SLC15A1: variants seen among roughly 807,000 people sequenced by gnomAD.
The protein encoded by SLC15A1 is solute carrier family 15 member 1.
Under a neutral mutation model 92.9 loss-of-function variants are expected in SLC15A1, and 83 were observed. The ratio of observed to expected loss-of-function variants is 0.89; its 90% CI spans 0.75 to 1.07. The LOEUF (loss-of-function observed/expected upper bound fraction) is 1.07, where lower values mean the gene tolerates loss of function less well. Among genes scored for constraint, SLC15A1 ranks in the 50% least tolerant of loss-of-function variants. SLC15A1 has a pLI of 0.00. For missense variants in SLC15A1, 857 were observed against 880.1 expected (o/e 0.97, Z 0.33); for synonymous variants, 322 against 318.2 (o/e 1.01, Z -0.13).
chr13:98,700,245 G>A (rs927202013), intron 18 of SLC15A1, among the ~76,000 whole-genome samples: 3 of 151,926 alleles, frequency 2.0e-5, no homozygotes, highest in East Asian at 1.9e-4. Flanking sequence ...CCAGCAATTC[G>A]GGAGTCTGGG....
chr13:98,729,007 C>CAAAAAAA (rs1176117196), intron 1 of SLC15A1, among the ~76,000 whole-genome samples: 2 of 69,654 alleles, frequency 2.9e-5, no homozygotes, highest in African/African-American at 5.3e-5. Context: ...AAAAAAAAAA[C>CAAAAAAA]AACAAGCCCC....
At position 98,708,689 on chromosome 13, in the gene SLC15A1, G is replaced by A. The variant is rs369899302; in HGVS notation, c.1146C>T (p.Ile382=). 60 of 1,612,744 alleles carry A rather than the reference G, an allele frequency of 3.7e-5. 1 individual carries two copies. Among genetic ancestry groups the A allele is most frequent in the African/African-American group, 1.2e-4 (9 of 74,954 alleles). ...GGAGAACCAGGGGACAACTCACATC[G>A]ATTTCCACCTGCACGATGGCAGCCA... ...FVVAAIVQVE[I]DKTLPVFPKG... Residue 382 remains isoleucine, a synonymous_variant, in exon 15 of 23, where the codon ATC becomes ATT. Transcript: ENST00000376503.
At chr13:98,697,170 C>G (rs2088028754) in intron 18 of SLC15A1, among the ~76,000 whole-genome samples, 1 of 152,218 alleles carries the variant, frequency 6.6e-6, no homozygotes, top group Non-Finnish European at 1.5e-5. Context: ...ATGCTCCTGC[C>G]TCAGTCTCCC....
Position 98,726,127 on chromosome 13 carries a change from A to T in SLC15A1, c.241T>A (p.Phe81Ile). Residue 81 changes from phenylalanine (F) to isoleucine (I), a missense_variant, in exon 4 of 23, where the codon TTC becomes ATC. Phe to Ile is a conservative substitution (Grantham distance 21). Coordinates refer to ENST00000376503, the MANE Select transcript of SLC15A1 (RefSeq NM_005073.4). ...ALIADSWLGK[F>I]KTIVSLSIVY... ...AAGAAATTTCCAGCCACTCACTTGA[A>T]CTTTCCCAGCCACGAGTCGGCGATA... 6.2e-7 allele frequency: 1 copy of T among 1,613,720 alleles called. No individual in the cohort carries two copies. The highest frequency in any genetic ancestry group is 8.5e-7 in the Non-Finnish European group (1 of 1,179,890).
chr13:98,706,082 T>A, intron 16 of SLC15A1, 52 bp downstream of exon 16: 1 of 1,576,886 alleles, frequency 6.3e-7, no homozygotes, highest in Non-Finnish European at 8.6e-7. Context: ...CTAAATCCTA[T>A]TATAACAGGG....
In SLC15A1 at chr13:98,688,187, T is replaced by A. The variant is rs968215590; in HGVS notation, c.1683+61A>T. On this transcript the variant is annotated intron_variant, in intron 20 of 22. Coordinates refer to ENST00000376503, the MANE Select transcript of SLC15A1 (RefSeq NM_005073.4). ...AATCATATTATGTCCTAAGTGTTTG[T>A]GAGTCTTCATATCAATCGAGTATGA... The A allele has an allele frequency of 3.6e-6, 4 of 1,102,756 alleles. No homozygotes were observed. In the African/African-American group the frequency reaches 6.2e-5, roughly 17 times the overall value. The allele number at this position is 1,102,756 out of a possible 1,614,324, so 68.3% of individuals were successfully genotyped here. A position where few individuals can be genotyped will look rare whatever the true frequency, so the allele number is the denominator to read the frequency against.
At chr13:98,694,470 T>C (rs561518217) in intron 18 of SLC15A1, among the ~76,000 whole-genome samples, 11 of 152,352 alleles carry the variant, frequency 7.2e-5, no homozygotes, top group Admixed American at 4.6e-4. Flanking sequence ...GCAGTTTATA[T>C]ATATAATTTA....
At chr13:98,708,798 C>A in intron 14 of SLC15A1, 31 bp from the exon 15 acceptor site, 1 of 1,565,514 alleles carries the variant, frequency 6.4e-7, no homozygotes, top group Non-Finnish European at 8.7e-7. Context: ...TGACTCTCAA[C>A]CAGTTTCACA....
At chr13:98,695,851 G>A (rs1400240952) in intron 18 of SLC15A1, among the ~76,000 whole-genome samples, 1 of 152,100 alleles carries the variant, frequency 6.6e-6, no homozygotes, top group Non-Finnish European at 1.5e-5. Context: ...TTGCTCAGAA[G>A]TCTGACTTCC....
intron 10 of SLC15A1, 140 bp downstream of exon 10, chr13:98,712,358 C>G (rs2088170737): frequency 6.2e-6 from 4 of 646,618 alleles, no homozygotes; most frequent in African/African-American, 1.8e-5. Context: ...TGCACTCATG[C>G]ATAGTTTTAT....
intron 1 of SLC15A1, among the ~76,000 whole-genome samples, chr13:98,730,808 G>A (rs1240259428): frequency 6.6e-6 from 1 of 152,200 alleles, no homozygotes; most frequent in African/African-American, 2.4e-5. Context: ...GCTCTGCATG[G>A]TGGGTCCCGT....
At chr13:98,704,550 T>C in intron 16 of SLC15A1, 115 bp from the exon 17 acceptor site, 7 of 1,120,474 alleles carry the variant, frequency 6.2e-6, no homozygotes, top group Non-Finnish European at 8.8e-6. Context: ...TGTTCATAGA[T>C]ACCAAAAAAA....
chr13:98,726,135 A>G lies in SLC15A1; in HGVS notation c.233T>C (p.Leu78Pro). ...TCCAGCCACTCACTTGAACTTTCCC[A>G]GCCACGAGTCGGCGATAAGAGCTCC... is the stretch of plus-strand genomic sequence containing the variant. ...ILGALIADSWLGKFKTIVSLS... is the reference protein window; with the variant it reads ...ILGALIADSWPGKFKTIVSLS... The change falls in exon 4 of 23, where the codon CTG becomes CCG. Residue 78 changes from leucine to proline, a missense_variant. Physicochemically the swap from Leu to Pro is moderately conservative, Grantham distance 98 (BLOSUM62 -3). Coordinates refer to ENST00000376503, the MANE Select transcript of SLC15A1 (RefSeq NM_005073.4). 1 of 1,613,972 alleles carries G rather than the reference A, an allele frequency of 6.2e-7. No homozygotes were observed.
Position 98,719,335 on chromosome 13 carries a change from C to G in SLC15A1, c.557-15G>C. On this transcript the variant is annotated splice_polypyrimidine_tract_variant and intron_variant, in intron 7 of 22. Transcript: ENST00000376503. ...ACATTGTTGAACTGGGGAGAAATGA[C>G]AAGATTAAAATTGTTATGGCATTGG... The G allele has an allele frequency of 6.3e-7, 1 of 1,595,828 alleles. No homozygotes were observed. Among genetic ancestry groups the G allele is most frequent in the Non-Finnish European group, 8.6e-7 (1 of 1,163,870 alleles).
chr13:98,716,048 C>T (rs1593994564), intron 8 of SLC15A1, 88 bp from the exon 9 acceptor site: 1 of 1,138,060 alleles, frequency 8.8e-7, no homozygotes, highest in South Asian at 1.3e-5. Flanking sequence ...TGAATTATAA[C>T]TTTGTTTTGG....
chr13:98,709,434 C>T (rs1221893176), intron 14 of SLC15A1, 138 bp downstream of exon 14: 22 of 671,498 alleles, frequency 3.3e-5, no homozygotes, highest in Non-Finnish European at 4.4e-5. Context: ...CATCAGCACA[C>T]GAACATTTGT....
At chr13:98,734,936 C>G (rs1241156214) in intron 1 of SLC15A1, among the ~76,000 whole-genome samples, 1 of 152,202 alleles carries the variant, frequency 6.6e-6, no homozygotes, top group African/African-American at 2.4e-5. Flanking sequence ...CCTTCTGAAA[C>G]TATTCCAATC....
At chr13:98,724,361 A>C (rs961432709) in intron 4 of SLC15A1, among the ~76,000 whole-genome samples, 1 of 152,156 alleles carries the variant, frequency 6.6e-6, no homozygotes, top group African/African-American at 2.4e-5. Context: ...AAAATTAGTC[A>C]GGTGTGGTGG....
chr13:98,737,354 G>T (rs2698039), intron 1 of SLC15A1, among the ~76,000 whole-genome samples: 91,243 of 151,928 alleles, frequency 0.6, 29,416 homozygotes, highest in African/African-American at 0.84. Context: ...GGAGTGGGGA[G>T]TTTGGGGAGG....
Sources: allele counts gnomAD v4.1 joint callset (sites outside exome capture counted in the v4.1 genomes callset), GRCh38; gene constraint gnomAD v4.1.1; transcripts MANE v1.5; gene names NCBI Gene and HGNC (gene_info 2026-07-23, HGNC 2026-07-21).